SELENOW: variants seen among roughly 807,000 people sequenced by gnomAD.
SELENOW encodes selenoprotein W, 1.
Under a neutral mutation model 16.6 loss-of-function variants are expected in SELENOW, and 20 were observed. That is an observed-to-expected ratio of 1.21 (90% CI 0.85 to 1.76). The LOEUF is 1.76. SELENOW is among the 40% of genes most tolerant of loss of function. The pLI, the probability that SELENOW is intolerant of heterozygous loss-of-function variation, is 0.00. For missense variants in SELENOW, 124 were observed against 111.0 expected (o/e 1.12, Z -0.53); for synonymous variants, 44 against 46.2 (o/e 0.95, Z 0.19).
chr19:47,780,325 C>T, intron 1 of SELENOW: 3 of 363,494 alleles, frequency 8.3e-6, no homozygotes, highest in South Asian at 4.2e-5. Context: ...GTGGTGGGCA[C>T]AGGGAGTGGG....
At chr19:47,780,043 C>A in intron 1 of SELENOW, 1 of 423,824 alleles carries the variant, frequency 2.4e-6, no homozygotes, top group Non-Finnish European at 4.8e-6. Context: ...GATTCCAGTC[C>A]CGAAATAGCC....
At chr19:47,780,104 G>A (rs1450158820) in intron 1 of SELENOW, 1 of 456,086 alleles carries the variant, frequency 2.2e-6, no homozygotes, top group Non-Finnish European at 4.4e-6. Context: ...CTGGGAAGGT[G>A]TTCAGAATCT....
chr19:47,781,050 G>C (rs1764077349), intron 3 of SELENOW, 58 bp from the exon 4 acceptor site: 15 of 1,559,648 alleles, frequency 9.6e-6, no homozygotes, highest in Non-Finnish European at 1.3e-5. Flanking sequence ...GGAAGGGGAG[G>C]GTCTCCCCAA....
chr19:47,781,036 C>T (rs1467757396), intron 3 of SELENOW, 72 bp from the exon 4 acceptor site: 2 of 1,562,896 alleles, frequency 1.3e-6, no homozygotes, highest in Non-Finnish European at 1.8e-6. Context: ...TTCTCATCCC[C>T]CTGGGAAGGG....
intron 1 of SELENOW, chr19:47,780,205 C>T (rs1450535378): frequency 1.5e-5 from 6 of 412,648 alleles, no homozygotes; most frequent in African/African-American, 4.1e-5. Context: ...GTTAGGAGTT[C>T]GAGACCAGCC....
chr19:47,780,853 C>T lies in SELENOW; in HGVS notation c.55-11C>T, dbSNP rs376593015. On this transcript the variant is annotated splice_polypyrimidine_tract_variant and intron_variant, in intron 2 of 5. Transcript: ENST00000601048. ...TATGACCCCTGCTGTGACCTCTCAC[C>T]GCGTTTTCAGTATCTTCAGCTCAAG... 40 of 1,612,234 alleles carry T rather than the reference C, an allele frequency of 2.5e-5. No individual in the cohort carries two copies. In the Admixed American group the frequency reaches 2.5e-4, roughly 10 times the overall value.
chr19:47,780,819 G>A (rs997436526), intron 2 of SELENOW, 45 bp from the exon 3 acceptor site: 3 of 1,604,820 alleles, frequency 1.9e-6, no homozygotes, highest in Middle Eastern at 1.7e-4. Flanking sequence ...TTGGGAGGGG[G>A]CTGACTGGTA....
At chr19:47,780,567 ATC>A (rs1967461683) in intron 1 of SELENOW, 156 bp from the exon 2 acceptor site, 2 of 647,166 alleles carry the variant, frequency 3.1e-6, no homozygotes, top group Admixed American at 4.9e-5. Flanking sequence ...TCTTGAGGGC[ATC>A]TGTCACCTCT....
chr19:47,781,613 A>C, intron 5 of SELENOW: 1 of 576,446 alleles, frequency 1.7e-6, no homozygotes, highest in Non-Finnish European at 3.1e-6. Context: ...AGAGATATGC[A>C]GGATGACAGC....
chr19:47,782,319 T>C (rs1245013320), intron 5 of SELENOW: 1 of 152,168 alleles, frequency 6.6e-6, no homozygotes, highest in African/African-American at 2.4e-5. Context: ...AAACAAATGC[T>C]AACTCTAGAA....
chr19:47,780,779 C>T, intron 2 of SELENOW, 30 bp downstream of exon 2: 1 of 1,584,910 alleles, frequency 6.3e-7, no homozygotes, highest in Non-Finnish European at 8.6e-7. Context: ...GGGGGGCATT[C>T]CTGGGAGCTG....
At chr19:47,780,618 G>C in intron 1 of SELENOW, 107 bp from the exon 2 acceptor site, 1 of 864,590 alleles carries the variant, frequency 1.2e-6, no homozygotes, top group East Asian at 2.7e-5. Context: ...TTTCTTCCTG[G>C]CCCCATCTTG....
Position 47,783,712 on chromosome 19 carries a change from G to A in SELENOW, c.*19-578G>A, listed in dbSNP as rs1275975255. 3 of 152,286 alleles carry A rather than the reference G, an allele frequency of 2.0e-5. No homozygotes were observed. In the East Asian group the frequency reaches 5.8e-4, roughly 29 times the overall value. The allele number at this position is 152,286 out of a possible 1,614,324, so 9.4% of individuals were successfully genotyped here. On this transcript the variant is annotated intron_variant, in intron 5 of 5. Transcript: ENST00000601048. ...ATGAGGTCATGTTCAATGTGAATTG[G>A]GACGTGCCAATTTGAAGTAATGCAG...
At position 47,778,744 on chromosome 19, in the gene SELENOW, G is replaced by T. The variant is rs1000140609; in HGVS notation, c.-42G>T. 3.2e-6 allele frequency: 5 copies of T among 1,586,730 alleles called. No homozygotes were observed. Among genetic ancestry groups the T allele is most frequent in the Non-Finnish European group, 3.4e-6 (4 of 1,167,574 alleles). Reference sequence around the variant, plus strand: ...CGCGTCCAGGTGGGAGGTTAGTGTGGCCCGGGCGTCCGCTCCTCAGCGGAT... The same window carrying T: ...CGCGTCCAGGTGGGAGGTTAGTGTGTCCCGGGCGTCCGCTCCTCAGCGGAT... On this transcript the variant is annotated 5_prime_UTR_variant, in exon 1 of 6. Coordinates refer to ENST00000601048, the MANE Select transcript of SELENOW (RefSeq NM_003009.4).
At chr19:47,779,781 C>T (rs1967450930) in intron 1 of SELENOW, 1 of 170,642 alleles carries the variant, frequency 5.9e-6, no homozygotes, top group African/African-American at 2.4e-5. Flanking sequence ...TGCACTCCAT[C>T]CTGGACAGCA....
At chr19:47,782,235 G>A (rs781036375) in intron 5 of SELENOW, 1 of 152,642 alleles carries the variant, frequency 6.6e-6, no homozygotes, top group Non-Finnish European at 1.5e-5. Flanking sequence ...TTAGTTCTAG[G>A]AATATTCCAG....
At chr19:47,781,917 C>G (rs566576874) in intron 5 of SELENOW, among the ~76,000 whole-genome samples, 8 of 151,366 alleles carry the variant, frequency 5.3e-5, no homozygotes, top group African/African-American at 1.9e-4. Context: ...AGGATGACAG[C>G]TGAGATAGGG....
rs570546803 is a variant in SELENOW, at chr19:47,781,334, G to A, written c.228G>A (p.Leu76=). ...YVDTESKFLK[L]VAAIKAALAQ... The stretch of plus-strand genomic sequence containing the variant: ...ACACAGAAAGCAAGTTTCTGAAGTT[G>A]GTGGCCGCCATCAAAGCCGCCTTGG... Residue 76 remains leucine, a synonymous_variant, in exon 5 of 6, where the codon TTG becomes TTA. Coordinates refer to ENST00000601048, the MANE Select transcript of SELENOW (RefSeq NM_003009.4). 2 of 1,611,802 alleles carry A rather than the reference G, an allele frequency of 1.2e-6. No homozygotes were observed. The highest frequency in any genetic ancestry group is 3.4e-5 in the Admixed American group (2 of 59,312).
rs765644281 is a variant in SELENOW, at chr19:47,778,719, C to A, written c.-67C>A. 2 of 1,544,452 alleles carry A rather than the reference C, an allele frequency of 1.3e-6. No homozygotes were observed. Among genetic ancestry groups the A allele is most frequent in the Middle Eastern group, 1.7e-4 (1 of 5,790 alleles). ...TCCCGCCGCACTCGCGCAGACCTAG[C>A]GCGTCCAGGTGGGAGGTTAGTGTGG... On this transcript the variant is annotated 5_prime_UTR_variant, in exon 1 of 6. Transcript: ENST00000601048.
Sources: gnomAD v4.1 joint callset for allele counts (sites outside exome capture counted in the v4.1 genomes callset) on GRCh38, gnomAD v4.1.1 for gene constraint, MANE v1.5 for transcripts, NCBI Gene and HGNC (gene_info 2026-07-23, HGNC 2026-07-21) for gene names.